The following FAM184A variants were observed in gnomAD, a reference collection of about 807,000 sequenced individuals.
The protein encoded by FAM184A is protein FAM184A.
FAM184A carries 99 observed loss-of-function variants against 143.8 expected under a neutral mutation model. That is an observed-to-expected ratio of 0.69 (90% CI 0.58 to 0.81). The LOEUF (loss-of-function observed/expected upper bound fraction) is 0.81, where lower values mean the gene tolerates loss of function less well. Among genes scored for constraint, FAM184A ranks in the 40% least tolerant of loss-of-function variants. The pLI is 0.00. For missense variants in FAM184A, 1,217 were observed against 1,310.5 expected, an observed-to-expected ratio of 0.93 and a Z score of 1.10; for synonymous variants, 427 against 446.4, an observed-to-expected ratio of 0.96 and a Z score of 0.55.
chr6:119,034,287 T>C (rs1004620290), intron 1 of FAM184A, among the ~76,000 whole-genome samples: 1 of 151,654 alleles, frequency 6.6e-6, no homozygotes, highest in African/African-American at 2.4e-5. Flanking sequence ...TACATATGCA[T>C]GAATTTTCTT....
intron 1 of FAM184A, among the ~76,000 whole-genome samples, chr6:119,105,139 A>T (rs1463872094): frequency 6.6e-6 from 1 of 152,186 alleles, no homozygotes; most frequent in Non-Finnish European, 1.5e-5. Context: ...ATTTAGGAAA[A>T]TGGGATAAAA....
intron 1 of FAM184A, among the ~76,000 whole-genome samples, chr6:119,056,653 T>A (rs1001562896): frequency 6.6e-6 from 1 of 152,194 alleles, no homozygotes; most frequent in Non-Finnish European, 1.5e-5. Context: ...TCCAAAGTGA[T>A]GTAAATTGGG....
chr6:119,011,932 C>T (rs534568191), intron 5 of FAM184A, among the ~76,000 whole-genome samples: 1 of 152,292 alleles, frequency 6.6e-6, no homozygotes, highest in East Asian at 1.9e-4. Flanking sequence ...TGCTACTTAA[C>T]ACTTGGGTAA....
At chr6:118,999,048 G>A (rs1784663211) in intron 9 of FAM184A, among the ~76,000 whole-genome samples, 1 of 152,214 alleles carries the variant, frequency 6.6e-6, no homozygotes, top group South Asian at 2.1e-4. Context: ...GGTAGAGGTA[G>A]TAGGGAGAAG....
At chr6:119,082,918 C>G (rs1788111997), upstream of FAM184A, among the ~76,000 whole-genome samples, 1 of 152,254 alleles carries the variant, frequency 6.6e-6, no homozygotes, top group Admixed American at 6.5e-5. Context: ...TTCCCTTCTG[C>G]ACTGACCTAG....
chr6:119,122,924 G>GAAAAAAAAAAAAAA (rs766414096), intron 1 of FAM184A, among the ~76,000 whole-genome samples: 1 of 28,992 alleles, frequency 3.4e-5, no homozygotes, highest in Non-Finnish European at 6.0e-5. Flanking sequence ...GACCCTGTCT[G>GAAAAAAAAAAAAAA]AAAAAAAAAA....
intron 1 of FAM184A, among the ~76,000 whole-genome samples, chr6:119,103,928 GAAA>G (rs199961401): frequency 5.5e-5 from 4 of 72,944 alleles, no homozygotes; most frequent in Non-Finnish European, 1.0e-4. Context: ...TCCGTGTAGA[GAAA>G]AAAAAAAAAA....
At chr6:118,967,143 G>A (rs1783526664) in intron 14 of FAM184A, among the ~76,000 whole-genome samples, 191 bp from the exon 15 acceptor site, 1 of 152,164 alleles carries the variant, frequency 6.6e-6, no homozygotes, top group African/African-American at 2.4e-5. Flanking sequence ...AGTTAAAGGG[G>A]TAGATGGTAC....
intron 1 of FAM184A, among the ~76,000 whole-genome samples, chr6:119,045,409 G>T (rs1019086549): frequency 5.3e-5 from 8 of 150,774 alleles, no homozygotes; most frequent in African/African-American, 2.0e-4. Context: ...AAACCTACCC[G>T]ATGTGCAGAT....
intron 16 of FAM184A, chr6:118,963,947 C>T (rs1783413101): frequency 6.6e-6 from 1 of 152,056 alleles, no homozygotes; most frequent in South Asian, 2.1e-4. Flanking sequence ...ATTTATAAGA[C>T]TTGGCCATGT....
At chr6:119,085,753 C>A (rs1414031012) in intron 1 of FAM184A, among the ~76,000 whole-genome samples, 1 of 152,202 alleles carries the variant, frequency 6.6e-6, no homozygotes, top group Non-Finnish European at 1.5e-5. Context: ...GCTCACAGTT[C>A]TGCAGGATGC....
chr6:118,987,686 C>A (rs2114601799), intron 9 of FAM184A, among the ~76,000 whole-genome samples: 1 of 152,176 alleles, frequency 6.6e-6, no homozygotes, highest in African/African-American at 2.4e-5. Context: ...AAGGAAGTCA[C>A]TAATGCTAGT....
At chr6:118,964,035 G>A (rs1783415420) in intron 16 of FAM184A, 1 of 151,882 alleles carries the variant, frequency 6.6e-6, no homozygotes, top group Non-Finnish European at 1.5e-5. Flanking sequence ...AATTAAGAAC[G>A]GTCATAAAGC....
chr6:119,118,116 C>T (rs61480283), intron 1 of FAM184A, among the ~76,000 whole-genome samples: 4,979 of 152,240 alleles, frequency 0.033, 129 homozygotes, highest in African/African-American at 0.065. Context: ...TTAATTAAGC[C>T]AGGACCTTTC....
intron 1 of FAM184A, among the ~76,000 whole-genome samples, chr6:119,141,927 T>A (rs1420711458): frequency 6.6e-6 from 1 of 152,192 alleles, no homozygotes; most frequent in Non-Finnish European, 1.5e-5. Context: ...TCTTACATCA[T>A]CTCCTTAAAG....
At chr6:118,976,796 T>C (rs1267193371) in intron 11 of FAM184A, among the ~76,000 whole-genome samples, 1 of 152,150 alleles carries the variant, frequency 6.6e-6, no homozygotes, top group Non-Finnish European at 1.5e-5. Context: ...GTTCTCATGA[T>C]ATTGAAAAAT....
At position 119,024,626 on chromosome 6, in the gene FAM184A, T is replaced by C; in HGVS notation, c.347A>G (p.Glu116Gly). Residue 116 changes from glutamate to glycine, a missense_variant, in exon 2 of 18, where the codon GAA (glutamate) becomes GGA (glycine). Coordinates refer to ENST00000338891, the MANE Select transcript of FAM184A (RefSeq NM_024581.6). ...CTGCTGCTTCATTTTTATGTGATCT[T>C]CTAATGATGATTCTAAAACTTGAAT... is the stretch of plus-strand genomic sequence containing the variant. ...RKIQVLESSL[E>G]DHIKMKQQAL... is the part of the protein sequence containing the mutation. 1 of 1,614,158 alleles carries C rather than the reference T, an allele frequency of 6.2e-7. No individual in the cohort carries two copies. Among genetic ancestry groups the C allele is most frequent in the Middle Eastern group, 1.6e-4 (1 of 6,062 alleles).
intron 1 of FAM184A, among the ~76,000 whole-genome samples, chr6:119,147,633 C>A (rs2114900890): frequency 6.6e-6 from 1 of 152,354 alleles, no homozygotes; most frequent in East Asian, 1.9e-4. Context: ...TGCTCGAACT[C>A]AGACTTGTAG....
intron 1 of FAM184A, among the ~76,000 whole-genome samples, chr6:119,109,517 G>A (rs377648326): frequency 6.6e-6 from 1 of 152,112 alleles, no homozygotes. Flanking sequence ...GTTGGTAAAT[G>A]TTCATGTCAC....
Sources: allele counts gnomAD v4.1 joint callset (sites outside exome capture counted in the v4.1 genomes callset), GRCh38; gene constraint gnomAD v4.1.1; transcripts MANE v1.5; gene names NCBI Gene and HGNC (gene_info 2026-07-23, HGNC 2026-07-21).